The following LARS2 variants were observed in gnomAD, a reference collection of about 807,000 sequenced individuals.
The protein encoded by LARS2 is leucine--tRNA ligase, mitochondrial.
Under a neutral mutation model 116.6 loss-of-function variants are expected in LARS2, and 81 were observed. The observed-to-expected ratio is 0.69, with a 90% CI of 0.58 to 0.84. The LOEUF (loss-of-function observed/expected upper bound fraction) is 0.84. Among genes scored for constraint, LARS2 ranks in the 40% least tolerant of loss-of-function variants. The pLI, the probability that LARS2 is intolerant of heterozygous loss-of-function variation, is 0.00. For synonymous variants in LARS2, 396 were observed against 407.2 expected (o/e 0.97, Z 0.33); for missense variants, 968 against 1,114.5 (o/e 0.87, Z 1.87).
chr3:45,536,689 A>G (rs931203604), intron 20 of LARS2, among the ~76,000 whole-genome samples: 2 of 152,196 alleles, frequency 1.3e-5, no homozygotes, highest in African/African-American at 4.8e-5. Flanking sequence ...TCTTGAAGCA[A>G]AGCGAAACCT....
chr3:45,545,522 A>G (rs1272814662), intron 21 of LARS2, among the ~76,000 whole-genome samples: 1 of 152,182 alleles, frequency 6.6e-6, no homozygotes. Context: ...TGCCAGAGAC[A>G]GGGGGAGCAT....
At chr3:45,464,144 G>C (rs535318995) in intron 8 of LARS2, among the ~76,000 whole-genome samples, 2 of 152,114 alleles carry the variant, frequency 1.3e-5, no homozygotes, top group Admixed American at 1.3e-4. Context: ...TAAAGCAGAG[G>C]TACCTTTACC....
At chr3:45,510,059 G>A (rs1327043601) in intron 15 of LARS2, among the ~76,000 whole-genome samples, 3 of 152,006 alleles carry the variant, frequency 2.0e-5, no homozygotes, top group African/African-American at 7.2e-5. Flanking sequence ...GCTTGATTGA[G>A]TTCAAGGCAA....
chr3:45,457,231 G>A (rs1374787210), intron 7 of LARS2, among the ~76,000 whole-genome samples: 1 of 152,256 alleles, frequency 6.6e-6, no homozygotes, highest in Non-Finnish European at 1.5e-5. Flanking sequence ...AGCAGCCAGT[G>A]TGCCTGTCAT....
At chr3:45,482,960 G>A (rs1699731049) in intron 10 of LARS2, among the ~76,000 whole-genome samples, 1 of 152,180 alleles carries the variant, frequency 6.6e-6, no homozygotes, top group Non-Finnish European at 1.5e-5. Flanking sequence ...GAAGGGTGGG[G>A]AGAAGGGCAT....
chr3:45,462,514 C>A (rs1699347639), intron 8 of LARS2, among the ~76,000 whole-genome samples: 1 of 152,162 alleles, frequency 6.6e-6, no homozygotes, highest in Admixed American at 6.5e-5. Context: ...CCTCAAAAAT[C>A]CCCAGTAGAA....
At chr3:45,453,356 G>T (rs944086726) in intron 7 of LARS2, among the ~76,000 whole-genome samples, 1 of 152,124 alleles carries the variant, frequency 6.6e-6, no homozygotes, top group Non-Finnish European at 1.5e-5. Context: ...TTTAGCCTTG[G>T]ATGGTGGATA....
intron 10 of LARS2, among the ~76,000 whole-genome samples, 146 bp from the exon 11 acceptor site, chr3:45,485,536 TTATCTATTAA>T (rs1003033952): frequency 2.0e-5 from 3 of 152,360 alleles, no homozygotes; most frequent in African/African-American, 7.2e-5. Context: ...CTGGTGTGAA[TTATCTATTAA>T]TACCCTTCAA....
At chr3:45,404,082 C>T (rs1698196867) in intron 4 of LARS2, among the ~76,000 whole-genome samples, 1 of 152,126 alleles carries the variant, frequency 6.6e-6, no homozygotes, top group African/African-American at 2.4e-5. Flanking sequence ...ATAAATGAAT[C>T]TTGTAATTCA....
intron 8 of LARS2, among the ~76,000 whole-genome samples, chr3:45,468,795 G>T (rs1699475673): frequency 6.6e-6 from 1 of 152,178 alleles, no homozygotes; most frequent in South Asian, 2.1e-4. Context: ...TCCCTTTACT[G>T]CATCCTTTTC....
intron 8 of LARS2, among the ~76,000 whole-genome samples, chr3:45,462,828 G>A (rs1390462233): frequency 6.6e-6 from 1 of 152,170 alleles, no homozygotes; most frequent in Non-Finnish European, 1.5e-5. Flanking sequence ...TAAAGACAGT[G>A]CCTGATGTGA....
chr3:45,450,209 C>T (rs1252551260), intron 7 of LARS2, among the ~76,000 whole-genome samples: 2 of 152,068 alleles, frequency 1.3e-5, no homozygotes. Context: ...ATTGGGATAT[C>T]CATCACCTCA....
intron 16 of LARS2, among the ~76,000 whole-genome samples, chr3:45,514,777 A>G (rs1041032259): frequency 2.0e-5 from 3 of 152,222 alleles, no homozygotes; most frequent in Admixed American, 1.3e-4. Context: ...CCTAATTTGC[A>G]TAACAGTGTT....
intron 7 of LARS2, 44 bp from the exon 8 acceptor site, chr3:45,458,699 G>T: frequency 2.5e-6 from 4 of 1,574,840 alleles, no homozygotes; most frequent in Non-Finnish European, 3.5e-6. Flanking sequence ...AAAAAAAAAA[G>T]AGTACTCACC....
intron 8 of LARS2, among the ~76,000 whole-genome samples, chr3:45,473,790 A>G (rs1456598097): frequency 6.6e-6 from 1 of 151,944 alleles, no homozygotes; most frequent in Admixed American, 6.6e-5. Context: ...ATATTTATAA[A>G]ATTAATACTT....
Position 45,497,303 on chromosome 3 carries a change from C to A in LARS2, c.1622+930C>A, listed in dbSNP as rs561049123. Reference sequence around the variant, plus strand: ...GTGTTTATTTGAACCCCGCCCCCCCCAAAAAAAGAAACAAATTAAGGAAAA... The same window carrying A: ...GTGTTTATTTGAACCCCGCCCCCCCAAAAAAAAGAAACAAATTAAGGAAAA... On this transcript the variant is annotated intron_variant, in intron 14 of 21. Coordinates refer to ENST00000645846, the MANE Select transcript of LARS2 (RefSeq NM_015340.4). Among the ~76,000 whole-genome samples the A allele has an allele frequency of 3.3e-3, 498 of 151,040 alleles. 3 individuals are homozygous for A. The highest frequency in any genetic ancestry group is 0.019 in the South Asian group (92 of 4,766).
At chr3:45,486,458 T>G (rs546422306) in intron 11 of LARS2, among the ~76,000 whole-genome samples, 1 of 152,334 alleles carries the variant, frequency 6.6e-6, no homozygotes, top group Non-Finnish European at 1.5e-5. Flanking sequence ...GTCCAAAATC[T>G]GCCTCCTTTA....
At chr3:45,444,726 A>G (rs1698988254) in intron 6 of LARS2, among the ~76,000 whole-genome samples, 2 of 150,246 alleles carry the variant, frequency 1.3e-5, no homozygotes, top group Admixed American at 1.3e-4. Context: ...CTCTCACTCT[A>G]GGAAGCAGAT....
chr3:45,436,092 T>A (rs1159380491), intron 6 of LARS2, among the ~76,000 whole-genome samples: 2 of 152,216 alleles, frequency 1.3e-5, no homozygotes, highest in African/African-American at 4.8e-5. Flanking sequence ...GGCATGTTTC[T>A]ACTACTCATT....
Sources: gnomAD v4.1 joint callset for allele counts (sites outside exome capture counted in the v4.1 genomes callset) on GRCh38, gnomAD v4.1.1 for gene constraint, MANE v1.5 for transcripts, NCBI Gene and HGNC (gene_info 2026-07-23, HGNC 2026-07-21) for gene names.